Variants in NKAIN3 observed in about 807,000 individuals in gnomAD.
NKAIN3 encodes the protein sodium/potassium transporting ATPase interacting 3.
NKAIN3 carries 25 observed loss-of-function variants against 30.2 expected under a neutral mutation model. The ratio of observed to expected loss-of-function variants is 0.83; its 90% CI spans 0.60 to 1.16. NKAIN3 has a LOEUF of 1.16. Among genes scored for constraint, NKAIN3 ranks in the 50% most tolerant of loss-of-function variants. The pLI, the probability that NKAIN3 is intolerant of heterozygous loss-of-function variation, is 0.00. For synonymous variants in NKAIN3, 91 were observed against 89.6 expected, an observed-to-expected ratio of 1.02 and a Z score of -0.09; for missense variants, 225 against 254.1, an observed-to-expected ratio of 0.89 and a Z score of 0.78.
Position 62,979,185 on chromosome 8 carries a change from A to G in NKAIN3, c.*13778A>G, listed in dbSNP as rs949661698. ...ATCTTGCCTGGGAATCTGTAATTAT[A>G]TTTTATTGCATATTCTTCCTAGGCT... On this transcript the variant is annotated 3_prime_UTR_variant, in exon 7 of 7. Transcript: ENST00000623646. 3 of 152,044 alleles carry G rather than the reference A, an allele frequency of 2.0e-5. No homozygotes were observed. Among genetic ancestry groups the G allele is most frequent in the African/African-American group, 4.8e-5 (2 of 41,370 alleles). The allele number at this position is 152,044 out of a possible 1,614,324, so 9.4% of individuals were successfully genotyped here.
chr8:62,690,905 C>T (rs781781563), intron 3 of NKAIN3, among the ~76,000 whole-genome samples: 9 of 152,302 alleles, frequency 5.9e-5, no homozygotes, highest in Non-Finnish European at 7.4e-5. Context: ...CGGATGGTAA[C>T]TTCCTTACCA....
rs1824102225 is a variant in NKAIN3, at chr8:62,982,331, T to C, written c.*16924T>C. ...GCTGGAAAACTTTTTCTGATAACCA[T>C]ACATATCTTCAATGTCTACAATTTG... is the stretch of plus-strand genomic sequence containing the variant. On this transcript the variant is annotated 3_prime_UTR_variant, in exon 7 of 7. Transcript: ENST00000623646. 6.6e-6 allele frequency: 1 copy of C among 152,236 alleles called. No homozygotes were observed. The highest frequency in any genetic ancestry group is 6.5e-5 in the Admixed American group (1 of 15,278). 9.4% of individuals were successfully genotyped at this position (152,236 alleles called of 1,614,324 possible). A position where few individuals can be genotyped will look rare whatever the true frequency, so the allele number is the denominator to read the frequency against.
intron 4 of NKAIN3, among the ~76,000 whole-genome samples, chr8:62,886,503 T>C (rs1821152301): frequency 6.6e-6 from 1 of 152,154 alleles, no homozygotes; most frequent in Non-Finnish European, 1.5e-5. Context: ...CTAACCTATA[T>C]TACTTTACAG....
intron 1 of NKAIN3, among the ~76,000 whole-genome samples, chr8:62,305,239 T>C (rs1814191606): frequency 6.6e-6 from 1 of 150,446 alleles, no homozygotes; most frequent in African/African-American, 2.5e-5. Context: ...CTTTAGTTGT[T>C]GATAGCTATT....
intron 3 of NKAIN3, among the ~76,000 whole-genome samples, chr8:62,654,923 A>T (rs1021448757): frequency 6.6e-5 from 10 of 152,186 alleles, no homozygotes; most frequent in Non-Finnish European, 1.2e-4. Context: ...CGATAGCAGG[A>T]TTATTGCTAT....
intron 4 of NKAIN3, among the ~76,000 whole-genome samples, chr8:62,859,756 G>C (rs555299499): frequency 2.2e-4 from 34 of 151,964 alleles, no homozygotes; most frequent in African/African-American, 8.2e-4. Flanking sequence ...TAAGCTATTC[G>C]TGGGTCTCAC....
intron 4 of NKAIN3, among the ~76,000 whole-genome samples, chr8:62,788,870 C>G (rs1170600272): frequency 2.6e-5 from 4 of 152,064 alleles, no homozygotes; most frequent in African/African-American, 7.2e-5. Flanking sequence ...TTTCTGAGGG[C>G]TCTGTTCTGT....
intron 4 of NKAIN3, among the ~76,000 whole-genome samples, chr8:62,790,238 A>G (rs1817661600): frequency 6.6e-6 from 1 of 152,152 alleles, no homozygotes; most frequent in African/African-American, 2.4e-5. Flanking sequence ...TAGATGCAGA[A>G]AAGGCCTTTG....
chr8:62,688,679 C>G (rs1338853944), intron 3 of NKAIN3, among the ~76,000 whole-genome samples: 1 of 151,884 alleles, frequency 6.6e-6, no homozygotes, highest in Non-Finnish European at 1.5e-5. Context: ...GCACATGCAA[C>G]AGGAAACATT....
chr8:62,276,269 T>C (rs995564460), intron 1 of NKAIN3, among the ~76,000 whole-genome samples: 1 of 152,184 alleles, frequency 6.6e-6, no homozygotes, highest in Non-Finnish European at 1.5e-5. Context: ...TTTCACCATA[T>C]TGGCTAGGCT....
In NKAIN3 at chr8:62,294,537, C is replaced by A. The variant is rs117094653; in HGVS notation, c.54+45410C>A. 5.2e-3 allele frequency among the ~76,000 whole-genome samples: 784 copies of A among 152,104 alleles called. 6 individuals are homozygous for A. The highest frequency in any genetic ancestry group is 8.1e-3 in the Non-Finnish European group (551 of 67,976). The stretch of plus-strand genomic sequence containing the variant: ...ATAGAGATTTGCTAACAGATGTGTT[C>A]TTTTTACTCTTAAATACTCCTATTT... On this transcript the variant is annotated intron_variant, in intron 1 of 6. Coordinates refer to ENST00000623646, the MANE Select transcript of NKAIN3 (RefSeq NM_001304533.3).
chr8:62,595,082 G>T (rs189328772), intron 3 of NKAIN3, among the ~76,000 whole-genome samples: 23 of 151,874 alleles, frequency 1.5e-4, no homozygotes, highest in Admixed American at 1.1e-3. Flanking sequence ...TATTATTGTT[G>T]AGATAATACT....
At chr8:62,387,522 G>A (rs992604770) in intron 1 of NKAIN3, among the ~76,000 whole-genome samples, 1 of 152,122 alleles carries the variant, frequency 6.6e-6, no homozygotes, top group South Asian at 2.1e-4. Flanking sequence ...ATTCAGAAAG[G>A]ACCCATTATA....
chr8:62,828,367 A>G lies in NKAIN3; in HGVS notation c.471+81238A>G, dbSNP rs371214861. Among the ~76,000 whole-genome samples the G allele has an allele frequency of 1.1e-4, 16 of 152,312 alleles. No homozygotes were observed. In the East Asian group the frequency reaches 2.3e-3, roughly 22 times the overall value. On this transcript the variant is annotated intron_variant, in intron 4 of 6. Transcript: ENST00000623646. Reference sequence around the variant, plus strand: ...AATCTACACACATATTAAAATTCATAGAACTGCAAAATACATGCCAAAAAA... The same window carrying G: ...AATCTACACACATATTAAAATTCATGGAACTGCAAAATACATGCCAAAAAA...
At chr8:62,774,484 A>G (rs1817124081) in intron 4 of NKAIN3, among the ~76,000 whole-genome samples, 1 of 152,128 alleles carries the variant, frequency 6.6e-6, no homozygotes, top group Non-Finnish European at 1.5e-5. Flanking sequence ...GTCATGTTCC[A>G]GATTTTAGAG....
intron 1 of NKAIN3, among the ~76,000 whole-genome samples, chr8:62,528,513 T>C (rs1347001986): frequency 2.0e-5 from 3 of 151,752 alleles, no homozygotes; most frequent in Non-Finnish European, 4.4e-5. Flanking sequence ...TTGCCCAGCA[T>C]TGGCATTTGT....
intron 4 of NKAIN3, among the ~76,000 whole-genome samples, chr8:62,850,569 T>C (rs1284042162): frequency 6.6e-6 from 1 of 152,148 alleles, no homozygotes; most frequent in Non-Finnish European, 1.5e-5. Flanking sequence ...GGTTTTCTTC[T>C]AGGGTTTTTA....
chr8:62,333,050 T>G (rs1441241130), intron 1 of NKAIN3, among the ~76,000 whole-genome samples: 1 of 152,156 alleles, frequency 6.6e-6, no homozygotes, highest in Non-Finnish European at 1.5e-5. Flanking sequence ...ATTCATGAGA[T>G]TGTTTTTTAA....
At chr8:62,398,828 A>T (rs1165836835) in intron 1 of NKAIN3, among the ~76,000 whole-genome samples, 3 of 152,254 alleles carry the variant, frequency 2.0e-5, no homozygotes, top group Non-Finnish European at 4.4e-5. Context: ...GCATTGGCTC[A>T]TGCCTGTAAT....
Sources: gnomAD v4.1 joint callset for allele counts (sites outside exome capture counted in the v4.1 genomes callset) on GRCh38, gnomAD v4.1.1 for gene constraint, MANE v1.5 for transcripts, NCBI Gene and HGNC (gene_info 2026-07-23, HGNC 2026-07-21) for gene names.